The following RGS7 variants were observed in gnomAD, a reference collection of about 807,000 sequenced individuals.
RGS7 encodes regulator of G protein signaling 7, also known as regulator of G-protein signaling 7.
A neutral mutation model predicts 81.1 loss-of-function variants in RGS7; 27 were observed. That is an observed-to-expected ratio of 0.33 (90% CI 0.25 to 0.46). The LOEUF (loss-of-function observed/expected upper bound fraction) is 0.46. Ranked by LOEUF, RGS7 falls within the 20% of genes least tolerant of loss-of-function variation. The probability of loss-of-function intolerance (pLI) is 1.00; values close to 1 mark genes in which losing one functional copy is unlikely to be tolerated. For synonymous variants in RGS7, 208 were observed against 207.7 expected, an observed-to-expected ratio of 1.00 and a Z score of -0.01; for missense variants, 396 against 607.4, an observed-to-expected ratio of 0.65 and a Z score of 3.66.
At chr1:240,800,858 A>G in intron 17 of RGS7, 137 bp from the exon 18 acceptor site, 1 of 441,026 alleles carries the variant, frequency 2.3e-6, no homozygotes, top group African/African-American at 2.0e-5. Flanking sequence ...AGATACTAAG[A>G]AAACACTGGT....
Position 241,220,950 on chromosome 1 carries a change from CAAGGAAGGAAGGAAGGAAGGAAGG to C in RGS7, c.79-122212_79-122189del, listed in dbSNP as rs751386119. On this transcript the variant is annotated intron_variant, in intron 2 of 18. Transcript: ENST00000440928. The stretch of plus-strand genomic sequence containing the variant: ...AGGAAGAAAGGAAGGAAGGAAGAAG[CAAGGAAGGAAGGAAGGAAGGAAGG>C]AAGGAAGGAAGGAAGGAAGGAAGAG... 1.3e-4 allele frequency among the ~76,000 whole-genome samples: 7 copies of C among 54,324 alleles called. 1 individual carries two copies. Among genetic ancestry groups the C allele is most frequent in the East Asian group, 1.5e-3 (2 of 1,350 alleles). 35.6% of individuals were successfully genotyped at this position (54,324 alleles called of 152,430 possible).
At chr1:240,927,791 GA>G (rs573428383) in intron 6 of RGS7, among the ~76,000 whole-genome samples, 2 of 152,038 alleles carry the variant, frequency 1.3e-5, no homozygotes, top group Non-Finnish European at 2.9e-5. Context: ...TTCTTCAGAG[GA>G]AAAAAACCCA....
chr1:241,147,795 T>C (rs1243762813), intron 2 of RGS7, among the ~76,000 whole-genome samples: 1 of 115,712 alleles, frequency 8.6e-6, no homozygotes, highest in African/African-American at 3.7e-5. Flanking sequence ...TATATATATA[T>C]ATATATATAT....
At chr1:240,876,775 A>G (rs1047695724) in intron 6 of RGS7, among the ~76,000 whole-genome samples, 1 of 152,152 alleles carries the variant, frequency 6.6e-6, no homozygotes, top group Admixed American at 6.5e-5. Context: ...AGCCTGGATA[A>G]CATGGTGAAA....
chr1:241,276,100 GC>G (rs2078180842), intron 2 of RGS7, among the ~76,000 whole-genome samples: 1 of 152,160 alleles, frequency 6.6e-6, no homozygotes, highest in Admixed American at 6.5e-5. Context: ...TCCTATTAAA[GC>G]TTTTTTCTGT....
At chr1:240,857,540 A>T (rs1661366222) in intron 9 of RGS7, among the ~76,000 whole-genome samples, 1 of 151,858 alleles carries the variant, frequency 6.6e-6, no homozygotes, top group Non-Finnish European at 1.5e-5. Flanking sequence ...CTTCCTCTTC[A>T]TCATCCCTGC....
intron 2 of RGS7, among the ~76,000 whole-genome samples, chr1:241,234,608 T>C (rs1240203714): frequency 6.6e-6 from 1 of 151,828 alleles, no homozygotes; most frequent in Non-Finnish European, 1.5e-5. Context: ...AAAGCAACAA[T>C]AGGAGGGGAG....
chr1:241,318,333 C>G (rs182557140), intron 2 of RGS7, among the ~76,000 whole-genome samples: 2 of 152,118 alleles, frequency 1.3e-5, no homozygotes, highest in Admixed American at 6.5e-5. Flanking sequence ...ACGTAGATGA[C>G]ATCAAAGAGC....
At chr1:241,283,207 T>C (rs767220319) in intron 2 of RGS7, among the ~76,000 whole-genome samples, 4 of 152,228 alleles carry the variant, frequency 2.6e-5, no homozygotes, top group Non-Finnish European at 4.4e-5. Flanking sequence ...GGAAAGGTTA[T>C]TGTATTTAAC....
intron 18 of RGS7, among the ~76,000 whole-genome samples, chr1:240,796,169 G>A (rs891091838): frequency 5.9e-5 from 9 of 152,066 alleles, no homozygotes; most frequent in Non-Finnish European, 8.8e-5. Context: ...AAATTCCTTG[G>A]CCCAGGCTCT....
chr1:241,141,249 T>C (rs2067899886), intron 2 of RGS7, among the ~76,000 whole-genome samples: 1 of 152,066 alleles, frequency 6.6e-6, no homozygotes, highest in Non-Finnish European at 1.5e-5. Flanking sequence ...ATCTGAAGCT[T>C]CCTAAGAGGG....
At position 241,144,966 on chromosome 1, in the gene RGS7, C is replaced by T. The variant is rs868716290; in HGVS notation, c.79-46204G>A. Among the ~76,000 whole-genome samples, 347 of 127,028 alleles carry T rather than the reference C, an allele frequency of 2.7e-3. 8 individuals are homozygous for T. The East Asian group carries it at 0.061, about 22-fold the overall frequency. The allele number at this position is 127,028 out of a possible 152,430, so 83.3% of individuals were successfully genotyped here. A position where few individuals can be genotyped will look rare whatever the true frequency, so the allele number is the denominator to read the frequency against. ...GTGTGTGTGTGTGTGTGTGTGTGTT[C>T]GTGTTCATTCTTCCTGTTCCTGTTT... On this transcript the variant is annotated intron_variant, in intron 2 of 18. Transcript: ENST00000440928. The surrounding 1 kb of genome is among the most constrained non-coding windows in gnomAD (Gnocchi z 4.7).
chr1:241,353,611 C>G (rs954352209), intron 2 of RGS7, among the ~76,000 whole-genome samples: 19 of 152,038 alleles, frequency 1.2e-4, no homozygotes, highest in African/African-American at 4.6e-4. Context: ...AATGCCTTAT[C>G]AAGAAAATCT....
chr1:240,902,472 G>T (rs1670174474), intron 6 of RGS7, among the ~76,000 whole-genome samples: 1 of 152,056 alleles, frequency 6.6e-6, no homozygotes, highest in Non-Finnish European at 1.5e-5. Context: ...GGAAATTTTA[G>T]GACATGATTA....
Position 241,164,380 on chromosome 1 carries a change from T to G in RGS7, c.79-65618A>C, listed in dbSNP as rs1046340175. ...TTTCCCCTCCTTGGAAGTTGAGGGG[T>G]AGGGCTGAAAGTCCCAGCCCTCCAA... On this transcript the variant is annotated intron_variant, in intron 2 of 18. Coordinates refer to ENST00000440928, the MANE Select transcript of RGS7 (RefSeq NM_001364886.1). The surrounding 1 kb of genome is among the most constrained non-coding windows in gnomAD (Gnocchi z 4.1). Among the ~76,000 whole-genome samples the G allele has an allele frequency of 6.6e-6, 1 of 151,872 alleles. No individual in the cohort carries two copies. Among genetic ancestry groups the G allele is most frequent in the African/African-American group, 2.4e-5 (1 of 41,342 alleles).
intron 4 of RGS7, among the ~76,000 whole-genome samples, chr1:240,971,735 CAG>C (rs958444484): frequency 1.3e-5 from 2 of 152,162 alleles, no homozygotes; most frequent in Non-Finnish European, 2.9e-5. Context: ...ATATTATCAT[CAG>C]AGTGTTAAAT....
chr1:241,196,635 G>A (rs995746524), intron 2 of RGS7, among the ~76,000 whole-genome samples: 6 of 152,034 alleles, frequency 3.9e-5, no homozygotes, highest in African/African-American at 1.2e-4. Context: ...AAAATTTGGC[G>A]ATGCAGAAAG....
chr1:241,106,418 A>G (rs2065098558), intron 2 of RGS7, among the ~76,000 whole-genome samples: 3 of 152,174 alleles, frequency 2.0e-5, no homozygotes, highest in Admixed American at 2.0e-4. Context: ...TTATTTATTT[A>G]AAAAACAGTA....
intron 2 of RGS7, among the ~76,000 whole-genome samples, chr1:241,243,120 C>G (rs1039501497): frequency 2.6e-5 from 4 of 152,190 alleles, no homozygotes; most frequent in African/African-American, 9.7e-5. Flanking sequence ...CGTGAATTAA[C>G]CAGCAGCCTG....
Sources: gnomAD v4.1 joint callset for allele counts (sites outside exome capture counted in the v4.1 genomes callset) on GRCh38, gnomAD v4.1.1 for gene constraint, Gnocchi (gnomAD v3.1) non-coding constraint, MANE v1.5 for transcripts, NCBI Gene and HGNC (gene_info 2026-07-23, HGNC 2026-07-21) for gene names.